Variants in SMCO2 observed in about 807,000 individuals in gnomAD.
SMCO2 encodes the protein single-pass membrane protein with coiled-coil domains 2.
In SMCO2, 25 loss-of-function variants were observed where a neutral mutation model predicts 29.5. That is an observed-to-expected ratio of 0.85 (90% CI 0.62 to 1.18). SMCO2 has a LOEUF of 1.18. Ranked by LOEUF, SMCO2 falls within the 50% of genes most tolerant of loss-of-function variation. The pLI, the probability that SMCO2 is intolerant of heterozygous loss-of-function variation, is 0.00. For missense variants in SMCO2, 348 were observed against 344.5 expected (o/e 1.01, Z -0.08); for synonymous variants, 117 against 123.3 (o/e 0.95, Z 0.34).
intron 4 of SMCO2, among the ~76,000 whole-genome samples, chr12:27,486,553 C>G (rs1592213940): frequency 2.6e-5 from 4 of 152,148 alleles, no homozygotes; most frequent in African/African-American, 7.2e-5. Flanking sequence ...TCCTGTTACT[C>G]CATGTTGATT....
At chr12:27,488,088 T>A (rs569080910) in intron 4 of SMCO2, among the ~76,000 whole-genome samples, 2 of 152,346 alleles carry the variant, frequency 1.3e-5, no homozygotes, top group East Asian at 3.9e-4. Flanking sequence ...TTAATTTTGA[T>A]GAGGTTCAAT....
chr12:27,495,709 T>G lies in SMCO2; in HGVS notation c.537T>G (p.Ser179Arg), dbSNP rs759937888. The G allele has an allele frequency of 2.1e-5, 31 of 1,511,252 alleles. 2 individuals carry two copies. Among genetic ancestry groups the G allele is most frequent in the Non-Finnish European group, 2.6e-5 (29 of 1,120,336 alleles). The allele number at this position is 1,511,252 out of a possible 1,614,324, so 93.6% of individuals were successfully genotyped here. A position where few individuals can be genotyped will look rare whatever the true frequency, so the allele number is the denominator to read the frequency against. ...TTTGCAAGAATGTGGAACTGCTGAG[T>G]GCAAAGCTAAGGATGTATCAAATGG... The change falls in exon 7 of 8, where the codon AGT becomes AGG. Residue 179 changes from serine (S) to arginine (R), a missense_variant. Ser to Arg is a moderately radical substitution (Grantham distance 110). Coordinates refer to ENST00000298876, the Ensembl canonical transcript of SMCO2.
At chr12:27,498,558 A>T in intron 7 of SMCO2, 1 of 234,468 alleles carries the variant, frequency 4.3e-6, no homozygotes, top group South Asian at 6.6e-5. Flanking sequence ...GAGGAGTTCA[A>T]TATCCCGGGA....
intron 4 of SMCO2, 26 bp from the exon 6 acceptor site, chr12:27,488,434 G>A (rs1415186826): frequency 3.5e-6 from 5 of 1,428,634 alleles, no homozygotes; most frequent in Non-Finnish European, 4.6e-6. Flanking sequence ...TAATCTGCAG[G>A]CCTTAGTATC....
At position 27,467,135 on chromosome 12, in the gene SMCO2, T is replaced by A. The variant is rs306635; in HGVS notation, c.-11+160T>A. Among the ~76,000 whole-genome samples, 48 of 152,198 alleles carry A rather than the reference T, an allele frequency of 3.2e-4. No homozygotes were observed. The South Asian group carries it at 9.6e-3, about 30-fold the overall frequency. On this transcript the variant is annotated intron_variant, in intron 1 of 7. Coordinates refer to ENST00000298876, the Ensembl canonical transcript of SMCO2. ...AGAGGGTAATCTGGGTGGTCAGGCC[T>A]GGAGAAATCCCCTCACAATGTAAGT... is the stretch of plus-strand genomic sequence containing the variant.
At chr12:27,460,491 A>G in the SMCO2 span, among the ~76,000 whole-genome samples, 1 of 152,356 alleles carries the variant, frequency 6.6e-6, no homozygotes, top group Admixed American at 6.5e-5. Context: ...ATCATAAGGA[A>G]GAGAAAACAT....
the SMCO2 span, chr12:27,446,596 G>A: frequency 6.6e-6 from 1 of 152,096 alleles, no homozygotes; most frequent in African/African-American, 2.4e-5. Context: ...TCCCCACTTT[G>A]AGACACTATG....
intron 5 of SMCO2, among the ~76,000 whole-genome samples, chr12:27,493,222 G>C (rs1379086120): frequency 3.3e-5 from 5 of 152,086 alleles, no homozygotes; most frequent in African/African-American, 1.2e-4. Context: ...AGGGGTAACT[G>C]TTGGCTACTG....
chr12:27,476,170 A>G (rs1217560261), intron 4 of SMCO2, among the ~76,000 whole-genome samples: 1 of 152,172 alleles, frequency 6.6e-6, no homozygotes, highest in Non-Finnish European at 1.5e-5. Context: ...TATATTTTCC[A>G]AAGTTCCTCT....
the SMCO2 span, among the ~76,000 whole-genome samples, chr12:27,435,217 C>T: frequency 1.4e-5 from 2 of 138,300 alleles, no homozygotes; most frequent in African/African-American, 2.7e-5. Context: ...GCTGTGGGAG[C>T]CTGTCCGGTG....
In SMCO2 at chr12:27,488,559, A is replaced by G. The variant is rs919444816; in HGVS notation, c.450+12A>G. 33 of 1,523,660 alleles carry G rather than the reference A, an allele frequency of 2.2e-5. No individual in the cohort carries two copies. Among genetic ancestry groups the G allele is most frequent in the Admixed American group, 1.3e-4 (6 of 46,508 alleles). 94.4% of individuals were successfully genotyped at this position (1,523,660 alleles called of 1,614,324 possible). On this transcript the variant is annotated intron_variant, in intron 5 of 7. Coordinates refer to ENST00000298876, the Ensembl canonical transcript of SMCO2. The stretch of plus-strand genomic sequence containing the variant: ...GGACAAGCACTGAGGTAAGCTAGAG[A>G]CTTGGGAAAGACTGAGAGGTTGGGG...
the SMCO2 span, chr12:27,424,009 A>G: frequency 6.6e-6 from 1 of 152,244 alleles, no homozygotes; most frequent in Non-Finnish European, 1.5e-5. Context: ...AGAATGTAAA[A>G]TATCACATTA....
chr12:27,494,161 C>G lies in SMCO2; in HGVS notation c.451-139C>G. Reference sequence around the variant, plus strand: ...TTTATGATTACACTATGAATTTGCTCTAAGAGGAAGAAGTTTACAAAGTAA... The same window carrying G: ...TTTATGATTACACTATGAATTTGCTGTAAGAGGAAGAAGTTTACAAAGTAA... On this transcript the variant is annotated intron_variant, in intron 5 of 7. Coordinates refer to ENST00000298876, the Ensembl canonical transcript of SMCO2. 13 of 502,142 alleles carry G rather than the reference C, an allele frequency of 2.6e-5. No homozygotes were observed. The South Asian group carries it at 4.3e-4, about 16-fold the overall frequency. The allele number at this position is 502,142 out of a possible 1,614,324, so 31.1% of individuals were successfully genotyped here.
chr12:27,442,110 T>C, the SMCO2 span, among the ~76,000 whole-genome samples: 2 of 152,054 alleles, frequency 1.3e-5, no homozygotes, highest in East Asian at 1.9e-4. Flanking sequence ...ATCAGAAAAG[T>C]AGACTTTACA....
chr12:27,453,995 G>T, the SMCO2 span, among the ~76,000 whole-genome samples: 2 of 151,896 alleles, frequency 1.3e-5, no homozygotes, highest in South Asian at 2.1e-4. Flanking sequence ...TCTTTTTTGT[G>T]GGGGAGGGGG....
chr12:27,431,245 G>A, the SMCO2 span, among the ~76,000 whole-genome samples: 3 of 152,050 alleles, frequency 2.0e-5, no homozygotes, highest in African/African-American at 4.8e-5. Flanking sequence ...TTGAACTCTT[G>A]ATCTCAAGTG....
At chr12:27,467,496 C>G (rs1949507242) in intron 1 of SMCO2, among the ~76,000 whole-genome samples, 1 of 151,396 alleles carries the variant, frequency 6.6e-6, no homozygotes, top group Non-Finnish European at 1.5e-5. Context: ...CTAGGTTGGA[C>G]AGCTTGCATC....
chr12:27,435,292 CCCCCCCCCCCGG>C, the SMCO2 span, among the ~76,000 whole-genome samples: 2 of 21,814 alleles, frequency 9.2e-5, 1 homozygote, highest in Non-Finnish European at 7.8e-4. Context: ...ACCCCCCCCC[CCCCCCCCCCCGG>C]CAATTGTGAC....
chr12:27,444,053 C>A, the SMCO2 span, among the ~76,000 whole-genome samples: 2 of 152,128 alleles, frequency 1.3e-5, no homozygotes, highest in Non-Finnish European at 2.9e-5. Context: ...GGAGGCATCA[C>A]GCTACCTAAC....
Sources: gnomAD v4.1 joint callset for allele counts (sites outside exome capture counted in the v4.1 genomes callset) on GRCh38, gnomAD v4.1.1 for gene constraint, MANE v1.5 for transcripts, NCBI Gene and HGNC (gene_info 2026-07-23, HGNC 2026-07-21) for gene names.